Variants in NFATC1 observed in about 807,000 individuals in gnomAD.
The protein encoded by NFATC1 is nuclear factor of activated T-cells, cytoplasmic 1.
Under a neutral mutation model 76.0 loss-of-function variants are expected in NFATC1, and 22 were observed. That is an observed-to-expected ratio of 0.29 (90% CI 0.21 to 0.41). The LOEUF is 0.41. Ranked by LOEUF, NFATC1 falls within the 10% of genes least tolerant of loss-of-function variation. The pLI is 1.00. For synonymous variants in NFATC1, 704 were observed against 613.1 expected, an observed-to-expected ratio of 1.15 and a Z score of -2.19; for missense variants, 1,357 against 1,337.7, an observed-to-expected ratio of 1.01 and a Z score of -0.23.
intron 3 of NFATC1, among the ~76,000 whole-genome samples, chr18:79,444,038 T>G (rs1262137943): frequency 6.6e-6 from 1 of 152,230 alleles, no homozygotes; most frequent in East Asian, 1.9e-4. Context: ...GTAGGGTTCC[T>G]GGAGGCCTCT....
chr18:79,516,534 C>T (rs942125996), intron 9 of NFATC1, among the ~76,000 whole-genome samples: 1 of 152,178 alleles, frequency 6.6e-6, no homozygotes, highest in Non-Finnish European at 1.5e-5. Flanking sequence ...GTTCTTACCC[C>T]GTTTCTCAGC....
At chr18:79,467,736 A>G (rs1600830540) in intron 8 of NFATC1, 154 bp downstream of exon 8, 1 of 1,176,722 alleles carries the variant, frequency 8.5e-7, no homozygotes, top group East Asian at 4.1e-5. Flanking sequence ...CGATGCCCTG[A>G]AAAGGAAAGG....
chr18:79,434,697 G>A lies in NFATC1; in HGVS notation c.1386+959G>A, dbSNP rs746328624. On this transcript the variant is annotated intron_variant, in intron 3 of 9. Transcript: ENST00000427363. ...GGGAATGATGCAAGCCGGAAGGGGT[G>A]TTCAGCAGAGTGCCTCGTATTTTTA... Among the ~76,000 whole-genome samples the A allele has an allele frequency of 3.5e-4, 53 of 152,388 alleles. 1 individual carries two copies. Among genetic ancestry groups the A allele is most frequent in the South Asian group, 1.2e-3 (6 of 4,830 alleles).
intron 8 of NFATC1, among the ~76,000 whole-genome samples, chr18:79,482,120 G>A (rs2089297965): frequency 6.8e-6 from 1 of 146,366 alleles, no homozygotes; most frequent in South Asian, 2.2e-4. Context: ...GTCCTGGGGT[G>A]TCACTCCAGC....
intron 8 of NFATC1, chr18:79,470,013 G>C: frequency 1.0e-6 from 1 of 985,402 alleles, no homozygotes; most frequent in Non-Finnish European, 1.2e-6. Flanking sequence ...ATAGAAACCA[G>C]CACCCAGGTA....
chr18:79,400,476 C>G (rs1356257836), intron 1 of NFATC1: 2 of 1,482,478 alleles, frequency 1.3e-6, no homozygotes, highest in Non-Finnish European at 1.8e-6. Flanking sequence ...CGCGGCCGCC[C>G]CAGGTGGGTC....
At chr18:79,489,776 C>T (rs2089623335) in intron 9 of NFATC1, among the ~76,000 whole-genome samples, 1 of 152,244 alleles carries the variant, frequency 6.6e-6, no homozygotes, top group Non-Finnish European at 1.5e-5. Context: ...GCACAGACCC[C>T]GAGCGCCAGC....
intron 5 of NFATC1, 131 bp downstream of exon 5, chr18:79,451,257 G>A: frequency 8.6e-7 from 1 of 1,164,944 alleles, no homozygotes; most frequent in South Asian, 1.6e-5. Context: ...CCACCACAGT[G>A]TGTGGCCACG....
intron 9 of NFATC1, among the ~76,000 whole-genome samples, chr18:79,511,432 G>T (rs1286350502): frequency 1.3e-5 from 2 of 152,204 alleles, no homozygotes; most frequent in African/African-American, 2.4e-5. Flanking sequence ...TCTGCCGGGG[G>T]TCAGTGCTGC....
At chr18:79,476,165 C>T (rs1382724225) in intron 8 of NFATC1, among the ~76,000 whole-genome samples, 25 of 152,230 alleles carry the variant, frequency 1.6e-4, no homozygotes, top group Admixed American at 1.3e-4. Flanking sequence ...CTGGGACATG[C>T]GTGGGGCAAG....
chr18:79,518,399 T>C (rs1307964306), intron 9 of NFATC1, among the ~76,000 whole-genome samples: 2 of 152,078 alleles, frequency 1.3e-5, no homozygotes, highest in Non-Finnish European at 2.9e-5. Context: ...AGTGTGGCAG[T>C]GTAAAGGGCG....
rs2085000134 is a variant in NFATC1 at position 79,396,301 on chromosome 18, CTT to C, written c.79_80del (p.Leu27GlyfsTer83). ...GCTGCGGTCTTCGGGAGAGGAGAAACTTTGGGGCCCGCGCCGCGCGCCGGCGG... is the reference window on the plus strand; with the variant it reads ...GCTGCGGTCTTCGGGAGAGGAGAAACTGGGGCCCGCGCCGCGCGCCGGCGG... On this transcript the variant is annotated frameshift_variant, in exon 1 of 10. Coordinates refer to ENST00000427363, the MANE Select transcript of NFATC1 (RefSeq NM_001278669.2). LOFTEE classifies it high-confidence loss of function. 1 of 1,437,838 alleles carries C rather than the reference CTT, an allele frequency of 7.0e-7. No homozygotes were observed. Among genetic ancestry groups the C allele is most frequent in the South Asian group, 1.4e-5 (1 of 73,614 alleles). 89.1% of individuals were successfully genotyped at this position (1,437,838 alleles called of 1,614,324 possible).
rs1396256147 is a variant in NFATC1, at chr18:79,524,995, G to A, written c.2783-2533G>A. The stretch of plus-strand genomic sequence containing the variant: ...ACCATCACCCATCCTGTCCCCTCAC[G>A]CCTCCCCACATCCCATCATTACTAC... On this transcript the variant is annotated intron_variant, in intron 9 of 9. Coordinates refer to ENST00000427363, the MANE Select transcript of NFATC1 (RefSeq NM_001278669.2). The surrounding 1 kb of genome is among the most constrained non-coding windows in gnomAD (Gnocchi z 7.2). Among the ~76,000 whole-genome samples, 3 of 151,244 alleles carry A rather than the reference G, an allele frequency of 2.0e-5. No homozygotes were observed. The highest frequency in any genetic ancestry group is 2.4e-5 in the African/African-American group (1 of 41,054).
intron 8 of NFATC1, among the ~76,000 whole-genome samples, chr18:79,476,053 G>A (rs932944796): frequency 3.3e-5 from 5 of 152,062 alleles, no homozygotes; most frequent in African/African-American, 7.3e-5. Flanking sequence ...GGGATGAGAG[G>A]GCGGGAAGGG....
chr18:79,459,882 C>T (rs2087967415), intron 6 of NFATC1, among the ~76,000 whole-genome samples: 1 of 152,152 alleles, frequency 6.6e-6, no homozygotes, highest in South Asian at 2.1e-4. Context: ...TTCTGGGAAT[C>T]CTGTGGCATC....
At position 79,492,901 on chromosome 18, in the gene NFATC1, C is replaced by CTT. The variant is rs10605674; in HGVS notation, c.2782+5988_2782+5989dup. Among the ~76,000 whole-genome samples the CTT allele has an allele frequency of 1.2e-3, 107 of 87,216 alleles. 1 individual carries two copies. The highest frequency in any genetic ancestry group is 3.6e-3 in the African/African-American group (70 of 19,354). The allele number at this position is 87,216 out of a possible 152,430, so 57.2% of individuals were successfully genotyped here. ...AAAAAAAAAAGAAAAATGAATCCAG[C>CTT]TTTTTTTTTTTTTTTTTTTTTTTTT... On this transcript the variant is annotated intron_variant, in intron 9 of 9. Transcript: ENST00000427363.
chr18:79,456,242 C>T (rs981278178), intron 6 of NFATC1, among the ~76,000 whole-genome samples: 4 of 152,210 alleles, frequency 2.6e-5, no homozygotes, highest in Non-Finnish European at 4.4e-5. Context: ...GGTCCTATGC[C>T]GGGACACACA....
chr18:79,414,559 T>TC (rs2085810769), intron 2 of NFATC1, among the ~76,000 whole-genome samples: 1 of 152,188 alleles, frequency 6.6e-6, no homozygotes, highest in South Asian at 2.1e-4. Context: ...ATTGAAGCCA[T>TC]GATAATGTTT....
chr18:79,447,805 TAAAAAC>T (rs1401824786), intron 3 of NFATC1, among the ~76,000 whole-genome samples: 1 of 152,230 alleles, frequency 6.6e-6, no homozygotes, highest in African/African-American at 2.4e-5. Flanking sequence ...GCGTTAAAGA[TAAAAAC>T]AAACAGTTCT....
Sources: allele counts gnomAD v4.1 joint callset (sites outside exome capture counted in the v4.1 genomes callset), GRCh38; gene constraint gnomAD v4.1.1; non-coding constraint Gnocchi (gnomAD v3.1); transcripts MANE v1.5; gene names NCBI Gene and HGNC (gene_info 2026-07-23, HGNC 2026-07-21).